RBFOX1: variants seen among roughly 807,000 people sequenced by gnomAD.
The protein encoded by RBFOX1 is RNA binding fox-1 homolog 1, also known as RNA binding protein fox-1 homolog 1.
In RBFOX1, 8 loss-of-function variants were observed where a neutral mutation model predicts 57.7. The observed-to-expected ratio is 0.14, with a 90% CI of 0.08 to 0.25. RBFOX1 has a LOEUF of 0.25. RBFOX1 is among the 10% of genes least tolerant of loss of function. RBFOX1 has a pLI of 1.00. For missense variants in RBFOX1, 611 were observed against 548.5 expected (o/e 1.11, Z -1.14); for synonymous variants, 326 against 222.4 (o/e 1.47, Z -4.15).
At chr16:6,302,473 C>T (rs1459726100) in intron 1 of RBFOX1, among the ~76,000 whole-genome samples, 2 of 152,114 alleles carry the variant, frequency 1.3e-5, no homozygotes, top group African/African-American at 4.8e-5. Context: ...CAGATATCCC[C>T]TTCGACTAGA....
chr16:5,271,137 T>G (rs1176502672), intron 1 of RBFOX1, among the ~76,000 whole-genome samples: 1 of 151,850 alleles, frequency 6.6e-6, no homozygotes, highest in Non-Finnish European at 1.5e-5. Flanking sequence ...GAGCCAAGAT[T>G]GCATCATTGC....
At chr16:6,476,046 G>A (rs1451662122) in intron 2 of RBFOX1, among the ~76,000 whole-genome samples, 1 of 152,032 alleles carries the variant, frequency 6.6e-6, no homozygotes, top group Non-Finnish European at 1.5e-5. Flanking sequence ...TTATCATCCA[G>A]CGTTTGAAGA....
chr16:7,320,909 G>C (rs1326796437), intron 4 of RBFOX1, among the ~76,000 whole-genome samples: 1 of 152,162 alleles, frequency 6.6e-6, no homozygotes, highest in African/African-American at 2.4e-5. Flanking sequence ...CTTGCCCAGG[G>C]AAAAACAGCC....
At chr16:6,848,161 C>G (rs1238465076) in intron 3 of RBFOX1, among the ~76,000 whole-genome samples, 1 of 151,926 alleles carries the variant, frequency 6.6e-6, no homozygotes, top group Non-Finnish European at 1.5e-5. Flanking sequence ...TGTTACCCCA[C>G]AAGGAGGCTG....
chr16:7,378,227 C>T (rs566177884), intron 4 of RBFOX1, among the ~76,000 whole-genome samples: 4 of 152,288 alleles, frequency 2.6e-5, no homozygotes, highest in African/African-American at 9.6e-5. Flanking sequence ...TGAGTGTGTA[C>T]ACAAACCATC....
chr16:7,619,879 A>C (rs1000963250), intron 10 of RBFOX1, among the ~76,000 whole-genome samples: 3 of 152,218 alleles, frequency 2.0e-5, no homozygotes, highest in Non-Finnish European at 2.9e-5. Flanking sequence ...TATAGCAAGT[A>C]GTGGCTTCTC....
intron 4 of RBFOX1, among the ~76,000 whole-genome samples, chr16:7,124,775 T>C (rs1043507744): frequency 2.6e-5 from 4 of 152,062 alleles, no homozygotes; most frequent in Admixed American, 1.3e-4. Context: ...TGAGGAATGC[T>C]GCACTTCCAA....
intron 1 of RBFOX1, among the ~76,000 whole-genome samples, chr16:5,267,971 T>C (rs889262716): frequency 2.0e-5 from 3 of 151,804 alleles, no homozygotes; most frequent in Admixed American, 6.6e-5. Flanking sequence ...CCCAGCTACT[T>C]GGGAAGCTGA....
rs1299148191 is a variant in RBFOX1, at chr16:5,974,741, G to A, written c.351+107406G>A. On this transcript the variant is annotated intron_variant, in intron 4 of 19. Coordinates refer to the RBFOX1 transcript ENST00000641259. ...AGTAAAAACCAAGCCAGGCGCAGTG[G>A]CTCACGTCTGTAATCCCAGCACTTT... is the stretch of plus-strand genomic sequence containing the variant. 2.0e-5 allele frequency among the ~76,000 whole-genome samples: 3 copies of A among 152,184 alleles called. No homozygotes were observed. In the East Asian group the frequency reaches 5.8e-4, roughly 29 times the overall value.
At position 6,133,242 on chromosome 16, in the gene RBFOX1, G is replaced by C. The variant is rs117291071; in HGVS notation, c.-127+113250G>C. On this transcript the variant is annotated intron_variant, in intron 1 of 15. Coordinates refer to ENST00000550418, the MANE Select transcript of RBFOX1 (RefSeq NM_018723.4). ...TCTCCTGTGCTGACAAAAGTCCCCT[G>C]ATTGCTCCACTGCCCTGCAGAGTTG... Among the ~76,000 whole-genome samples, 125 of 152,214 alleles carry C rather than the reference G, an allele frequency of 8.2e-4. 1 individual carries two copies. The East Asian group carries it at 0.022, about 27-fold the overall frequency.
intron 1 of RBFOX1, among the ~76,000 whole-genome samples, chr16:6,123,317 G>T (rs1225595373): frequency 6.6e-6 from 1 of 152,206 alleles, no homozygotes; most frequent in African/African-American, 2.4e-5. Context: ...AAAATCATTT[G>T]TCCATTATAA....
chr16:5,440,969 A>G (rs1417432565), intron 1 of RBFOX1, among the ~76,000 whole-genome samples: 3 of 152,316 alleles, frequency 2.0e-5, no homozygotes, highest in African/African-American at 7.2e-5. Context: ...CCCAAGCAGC[A>G]AACTCCTACG....
At chr16:7,265,958 G>GTATTT (rs1567956396) in intron 4 of RBFOX1, among the ~76,000 whole-genome samples, 2 of 107,604 alleles carry the variant, frequency 1.9e-5, no homozygotes, top group African/African-American at 4.6e-5. Context: ...GATCTGGTGG[G>GTATTT]TTTTTGTTTT....
chr16:6,943,086 C>T (rs150840666), intron 3 of RBFOX1, among the ~76,000 whole-genome samples: 1 of 152,150 alleles, frequency 6.6e-6, no homozygotes, highest in Non-Finnish European at 1.5e-5. Flanking sequence ...GGATTCAGAG[C>T]AGGTCCCCAG....
chr16:7,278,440 A>G (rs1008066303), intron 4 of RBFOX1, among the ~76,000 whole-genome samples: 14 of 152,188 alleles, frequency 9.2e-5, no homozygotes, highest in African/African-American at 3.1e-4. Context: ...TTGAAGGCCA[A>G]CCATTTAGAT....
chr16:6,698,933 A>G (rs1353743344), intron 3 of RBFOX1, among the ~76,000 whole-genome samples: 1 of 152,308 alleles, frequency 6.6e-6, no homozygotes. Flanking sequence ...GAATGTGTCC[A>G]TAGCGTACGA....
intron 1 of RBFOX1, among the ~76,000 whole-genome samples, chr16:5,420,650 C>T (rs2067290244): frequency 6.6e-6 from 1 of 152,158 alleles, no homozygotes; most frequent in Non-Finnish European, 1.5e-5. Flanking sequence ...CCTGAGTCTG[C>T]AGGACCCTGA....
At chr16:5,464,862 T>C (rs993899167) in intron 1 of RBFOX1, among the ~76,000 whole-genome samples, 1 of 152,112 alleles carries the variant, frequency 6.6e-6, no homozygotes, top group Non-Finnish European at 1.5e-5. Flanking sequence ...GCACAGGGTG[T>C]GGCTCTAGGA....
At chr16:7,557,562 G>T (rs2088967356) in intron 5 of RBFOX1, among the ~76,000 whole-genome samples, 1 of 133,932 alleles carries the variant, frequency 7.5e-6, no homozygotes, top group Non-Finnish European at 1.5e-5. Flanking sequence ...AGAGGTTTCA[G>T]TGAGCCAAGA....
Sources: gnomAD v4.1 joint callset for allele counts (sites outside exome capture counted in the v4.1 genomes callset) on GRCh38, gnomAD v4.1.1 for gene constraint, MANE v1.5 for transcripts, NCBI Gene and HGNC (gene_info 2026-07-23, HGNC 2026-07-21) for gene names.